The following ADGRL3 variants were observed in gnomAD, a reference collection of about 807,000 sequenced individuals.
ADGRL3 encodes the protein adhesion G protein-coupled receptor L3.
Under a neutral mutation model 153.5 loss-of-function variants are expected in ADGRL3, and 62 were observed. That is an observed-to-expected ratio of 0.40 (90% confidence interval 0.33 to 0.50). The LOEUF (loss-of-function observed/expected upper bound fraction) is 0.50. Ranked by LOEUF, ADGRL3 falls within the 20% of genes least tolerant of loss-of-function variation. The pLI is 0.47. For synonymous variants in ADGRL3, 710 were observed against 672.5 expected, an observed-to-expected ratio of 1.06 and a Z score of -0.86; for missense variants, 1,641 against 1,859.4, an observed-to-expected ratio of 0.88 and a Z score of 2.16.
chr4:61,657,786 A>G (rs894624747), intron 5 of ADGRL3, among the ~76,000 whole-genome samples: 1 of 152,212 alleles, frequency 6.6e-6, no homozygotes, highest in Non-Finnish European at 1.5e-5. Context: ...TTTCAGACAT[A>G]TCTGTTAGAA....
intron 6 of ADGRL3, among the ~76,000 whole-genome samples, chr4:61,727,541 T>C (rs2096370670): frequency 6.6e-6 from 1 of 152,106 alleles, no homozygotes; most frequent in Non-Finnish European, 1.5e-5. Context: ...ATCATGCAAT[T>C]CATTTATTTA....
chr4:61,330,073 C>T (rs1472147325), intron 1 of ADGRL3, among the ~76,000 whole-genome samples: 1 of 152,162 alleles, frequency 6.6e-6, no homozygotes, highest in African/African-American at 2.4e-5. Flanking sequence ...CTGGAAAATA[C>T]CTGCTCCACT....
At chr4:61,921,201 T>C (rs2098767392) in intron 13 of ADGRL3, among the ~76,000 whole-genome samples, 1 of 152,084 alleles carries the variant, frequency 6.6e-6, no homozygotes, top group East Asian at 1.9e-4. Context: ...TTTTAAGTAA[T>C]TTTTTGAATA....
intron 8 of ADGRL3, among the ~76,000 whole-genome samples, chr4:61,778,920 C>T (rs1205156645): frequency 6.6e-6 from 1 of 151,786 alleles, no homozygotes; most frequent in African/African-American, 2.4e-5. Context: ...TAGCTGGGCA[C>T]GGTGGTGGGC....
intron 5 of ADGRL3, among the ~76,000 whole-genome samples, chr4:61,635,890 A>G (rs920218263): frequency 6.6e-6 from 1 of 152,092 alleles, no homozygotes; most frequent in African/African-American, 2.4e-5. Context: ...AAAGGACACC[A>G]ATTGTATTGG....
intron 5 of ADGRL3, among the ~76,000 whole-genome samples, chr4:61,590,174 A>G (rs1579714105): frequency 6.6e-6 from 1 of 152,096 alleles, no homozygotes; most frequent in African/African-American, 2.4e-5. Context: ...TAACAAACCT[A>G]TATTATCATA....
At chr4:61,293,875 G>T (rs2094313436) in intron 1 of ADGRL3, among the ~76,000 whole-genome samples, 1 of 152,096 alleles carries the variant, frequency 6.6e-6, no homozygotes, top group Non-Finnish European at 1.5e-5. Flanking sequence ...CACTCTGCCA[G>T]TTTCTCCACT....
chr4:61,843,344 C>T (rs2098062630), intron 9 of ADGRL3, among the ~76,000 whole-genome samples: 1 of 152,158 alleles, frequency 6.6e-6, no homozygotes, highest in Non-Finnish European at 1.5e-5. Flanking sequence ...GGACACTTAA[C>T]TTCTGAGAAT....
chr4:61,596,596 C>T (rs1296981216), intron 5 of ADGRL3, among the ~76,000 whole-genome samples: 1 of 152,170 alleles, frequency 6.6e-6, no homozygotes. Context: ...CTTTAATTGA[C>T]TCATTGTTTA....
At chr4:61,255,294 A>G (rs1163996515) in intron 1 of ADGRL3, among the ~76,000 whole-genome samples, 1 of 152,202 alleles carries the variant, frequency 6.6e-6, no homozygotes, top group Non-Finnish European at 1.5e-5. Flanking sequence ...CTGATGCGCT[A>G]GAGTTTTCGA....
chr4:62,009,976 G>A (rs1334707865), intron 21 of ADGRL3, among the ~76,000 whole-genome samples: 3 of 152,118 alleles, frequency 2.0e-5, no homozygotes, highest in Non-Finnish European at 4.4e-5. Context: ...CTCAGAAACA[G>A]CCAAATGGAA....
chr4:61,619,477 T>C (rs2092332377), intron 5 of ADGRL3, among the ~76,000 whole-genome samples: 1 of 151,784 alleles, frequency 6.6e-6, no homozygotes, highest in African/African-American at 2.4e-5. Flanking sequence ...TCCATTTTTG[T>C]TTCATTGCTT....
chr4:61,678,800 G>A (rs901039287), intron 6 of ADGRL3, among the ~76,000 whole-genome samples: 12 of 151,932 alleles, frequency 7.9e-5, no homozygotes, highest in Non-Finnish European at 1.0e-4. Flanking sequence ...TAGCCTGATC[G>A]TGTCTGTTTA....
At chr4:61,394,795 G>T (rs540820408) in intron 2 of ADGRL3, among the ~76,000 whole-genome samples, 2 of 152,150 alleles carry the variant, frequency 1.3e-5, no homozygotes, top group South Asian at 4.1e-4. Context: ...AATTCCTGGG[G>T]AGTATATTCT....
intron 2 of ADGRL3, among the ~76,000 whole-genome samples, chr4:61,395,763 G>C (rs2096861351): frequency 6.6e-6 from 1 of 151,846 alleles, no homozygotes; most frequent in Non-Finnish European, 1.5e-5. Context: ...ATCAGAAAAT[G>C]ATAAGATATC....
chr4:61,896,580 A>T (rs938846129), intron 11 of ADGRL3, among the ~76,000 whole-genome samples: 2 of 152,102 alleles, frequency 1.3e-5, no homozygotes, highest in African/African-American at 2.4e-5. Context: ...TCTTTTCTCT[A>T]TTTGTTTTTA....
At chr4:61,776,863 T>A (rs2097157426) in intron 8 of ADGRL3, among the ~76,000 whole-genome samples, 1 of 152,220 alleles carries the variant, frequency 6.6e-6, no homozygotes, top group Non-Finnish European at 1.5e-5. Context: ...GATTTATACT[T>A]TTCCATTAAA....
intron 2 of ADGRL3, among the ~76,000 whole-genome samples, chr4:61,442,666 G>A (rs1047680651): frequency 6.6e-6 from 1 of 152,104 alleles, no homozygotes; most frequent in African/African-American, 2.4e-5. Context: ...TCTGGGTTGG[G>A]TGATAGTGCT....
Position 62,031,622 on chromosome 4 carries a change from T to A in ADGRL3, c.3591+12T>A, listed in dbSNP as rs1205479340. On this transcript the variant is annotated intron_variant, in intron 23 of 26. Transcript: ENST00000683033. ...TCCTACAGAAGAAGGTAAGCTAGAA[T>A]TCTTTTTTTAAAATAAAAATGGCAT... is the stretch of plus-strand genomic sequence containing the variant. 1.3e-6 allele frequency: 2 copies of A among 1,579,616 alleles called. No individual in the cohort carries two copies. The highest frequency in any genetic ancestry group is 8.6e-7 in the Non-Finnish European group (1 of 1,157,916).
Sources: gnomAD v4.1 joint callset for allele counts (sites outside exome capture counted in the v4.1 genomes callset) on GRCh38, gnomAD v4.1.1 for gene constraint, MANE v1.5 for transcripts, NCBI Gene and HGNC (gene_info 2026-07-23, HGNC 2026-07-21) for gene names.